Variants in EXOC6B observed in about 807,000 individuals in gnomAD.
EXOC6B encodes exocyst complex component 6B, also known as SEC15 homolog B.
EXOC6B carries 54 observed loss-of-function variants against 113.5 expected under a neutral mutation model. That is an observed-to-expected ratio of 0.48 (90% CI 0.38 to 0.60). EXOC6B has a LOEUF of 0.60. Ranked by LOEUF, EXOC6B falls within the 20% of genes least tolerant of loss-of-function variation. EXOC6B has a pLI of 0.00. For missense variants in EXOC6B, 797 were observed against 977.5 expected, an observed-to-expected ratio of 0.82 and a Z score of 2.46; for synonymous variants, 357 against 339.0, an observed-to-expected ratio of 1.05 and a Z score of -0.58.
chr2:72,256,827 T>A (rs959369038), intron 20 of EXOC6B, among the ~76,000 whole-genome samples: 4 of 152,204 alleles, frequency 2.6e-5, no homozygotes, highest in African/African-American at 9.6e-5. Flanking sequence ...TAGTGCTAAA[T>A]TTTATATTTG....
At chr2:72,769,668 C>T (rs188245264) in intron 1 of EXOC6B, among the ~76,000 whole-genome samples, 6 of 152,018 alleles carry the variant, frequency 3.9e-5, no homozygotes, top group Admixed American at 1.3e-4. Context: ...AAAAATTAGC[C>T]GGGTGTGGTG....
intron 8 of EXOC6B, among the ~76,000 whole-genome samples, chr2:72,536,500 T>C (rs1384338879): frequency 6.6e-6 from 1 of 152,202 alleles, no homozygotes; most frequent in Non-Finnish European, 1.5e-5. Context: ...ACCATCACTT[T>C]TTTAAAATTG....
At chr2:72,357,412 C>T (rs1690028724) in intron 19 of EXOC6B, among the ~76,000 whole-genome samples, 1 of 152,068 alleles carries the variant, frequency 6.6e-6, no homozygotes, top group Admixed American at 6.6e-5. Context: ...TGGAACTGGG[C>T]TGGGTATGGT....
At chr2:72,325,141 T>C (rs1488379247) in intron 20 of EXOC6B, among the ~76,000 whole-genome samples, 1 of 152,194 alleles carries the variant, frequency 6.6e-6, no homozygotes. Context: ...ATGCCCACGT[T>C]GAATTTCATT....
At chr2:72,645,775 G>A (rs1673660748) in intron 6 of EXOC6B, among the ~76,000 whole-genome samples, 1 of 152,152 alleles carries the variant, frequency 6.6e-6, no homozygotes, top group Non-Finnish European at 1.5e-5. Context: ...CAGAATCTCT[G>A]GGACACATTT....
chr2:72,626,139 T>G (rs977071697), intron 6 of EXOC6B, among the ~76,000 whole-genome samples: 1 of 152,124 alleles, frequency 6.6e-6, no homozygotes, highest in Non-Finnish European at 1.5e-5. Flanking sequence ...TCAAAACTTA[T>G]TTTTTCACAT....
chr2:72,209,244 A>AAAAG (rs1559017781), intron 20 of EXOC6B, among the ~76,000 whole-genome samples: 1 of 102,816 alleles, frequency 9.7e-6, no homozygotes, highest in African/African-American at 3.9e-5. Flanking sequence ...AAAAAAAAAA[A>AAAAG]AAAGAAAAGA....
chr2:72,671,784 AAAGAAAGAAAGAAAG>A (rs1165213568), intron 6 of EXOC6B, among the ~76,000 whole-genome samples: 1 of 125,742 alleles, frequency 8.0e-6, no homozygotes, highest in Non-Finnish European at 1.6e-5. Context: ...AGAAAGAAAG[AAAGAAAGAAAGAAAG>A]AAAGAAAGAA....
rs950116641 is a variant in EXOC6B, at chr2:72,617,522, T to TC, written c.670-41855_670-41854insG. 4.4e-5 allele frequency among the ~76,000 whole-genome samples: 6 copies of TC among 136,256 alleles called. No individual in the cohort carries two copies. The South Asian group carries it at 7.9e-4, about 18-fold the overall frequency. 89.4% of individuals were successfully genotyped at this position (136,256 alleles called of 152,430 possible). A position where few individuals can be genotyped will look rare whatever the true frequency, so the allele number is the denominator to read the frequency against. On this transcript the variant is annotated intron_variant, in intron 6 of 21. Transcript: ENST00000272427. Reference sequence around the variant, plus strand: ...CCAAAGCTCAAATCTTTTTTCTTTTTTTTTTTTTTTTTTTTTTGAGGCAGG... The same window carrying TC: ...CCAAAGCTCAAATCTTTTTTCTTTTTCTTTTTTTTTTTTTTTTTGAGGCAGG...
intron 6 of EXOC6B, among the ~76,000 whole-genome samples, chr2:72,637,599 G>GCCAACC (rs1240717691): frequency 6.6e-6 from 1 of 151,988 alleles, no homozygotes. Flanking sequence ...AACCAGCCTG[G>GCCAACC]CCAACATGGC....
chr2:72,815,462 C>G (rs1392875750), intron 1 of EXOC6B, among the ~76,000 whole-genome samples: 2 of 150,314 alleles, frequency 1.3e-5, no homozygotes, highest in African/African-American at 4.9e-5. Context: ...TGCACTCTAG[C>G]CAGGACAAGA....
rs112907468 is a variant in EXOC6B at position 72,180,818 on chromosome 2, A to G, written c.2310-1357T>C. Among the ~76,000 whole-genome samples the G allele has an allele frequency of 1.1e-4, 16 of 152,276 alleles. 1 individual carries two copies. Among genetic ancestry groups the G allele is most frequent in the African/African-American group, 1.7e-4 (7 of 41,534 alleles). On this transcript the variant is annotated intron_variant, in intron 21 of 21. Coordinates refer to ENST00000272427, the MANE Select transcript of EXOC6B (RefSeq NM_015189.3). ...TTGGTATATATGATATAAATTTACA[A>G]TATATATATTCCATAAGGGCATTAT... is the stretch of plus-strand genomic sequence containing the variant.
intron 20 of EXOC6B, among the ~76,000 whole-genome samples, chr2:72,258,532 T>C (rs2104572967): frequency 6.6e-6 from 1 of 151,632 alleles, no homozygotes; most frequent in African/African-American, 2.4e-5. Flanking sequence ...CTGGCTAATT[T>C]TTTAAATTTT....
At chr2:72,673,778 TA>T (rs1366832018) in intron 6 of EXOC6B, among the ~76,000 whole-genome samples, 2 of 150,338 alleles carry the variant, frequency 1.3e-5, no homozygotes, top group East Asian at 1.9e-4. Flanking sequence ...TTTATTTTTT[TA>T]TTTTTTTTTG....
At chr2:72,259,825 CA>C (rs1559068924) in intron 20 of EXOC6B, among the ~76,000 whole-genome samples, 1 of 151,726 alleles carries the variant, frequency 6.6e-6, no homozygotes, top group African/African-American at 2.4e-5. Context: ...CTGAGGCAGA[CA>C]GATAGCTTGA....
At chr2:72,715,224 T>TA (rs536871556) in intron 6 of EXOC6B, among the ~76,000 whole-genome samples, 73 of 152,028 alleles carry the variant, frequency 4.8e-4, no homozygotes, top group African/African-American at 1.7e-3. Context: ...AGACTCCGTC[T>TA]AAAAAAATTA....
intron 19 of EXOC6B, among the ~76,000 whole-genome samples, chr2:72,368,802 A>C (rs1193223336): frequency 2.2e-4 from 33 of 152,162 alleles, no homozygotes; most frequent in Admixed American, 5.9e-4. Flanking sequence ...AGGCCTTTGA[A>C]AAAATTCAAC....
At chr2:72,181,241 A>C (rs1213455290) in intron 21 of EXOC6B, among the ~76,000 whole-genome samples, 2 of 151,590 alleles carry the variant, frequency 1.3e-5, no homozygotes, top group East Asian at 3.9e-4. Context: ...TCACTAATCT[A>C]AGCTCAAGAG....
chr2:72,786,705 T>C (rs143953065), intron 1 of EXOC6B, among the ~76,000 whole-genome samples: 1 of 152,262 alleles, frequency 6.6e-6, no homozygotes, highest in East Asian at 1.9e-4. Flanking sequence ...GTATGGAAAA[T>C]TCGCTGACCA....
Sources: gnomAD v4.1 joint callset for allele counts (sites outside exome capture counted in the v4.1 genomes callset) on GRCh38, gnomAD v4.1.1 for gene constraint, MANE v1.5 for transcripts, NCBI Gene and HGNC (gene_info 2026-07-23, HGNC 2026-07-21) for gene names.